Variants in RANBP3 observed in about 807,000 individuals in gnomAD.
The protein encoded by RANBP3 is RAN binding protein 3.
In RANBP3, 14 loss-of-function variants were observed where a neutral mutation model predicts 77.3. The ratio of observed to expected loss-of-function variants is 0.18; its 90% CI spans 0.12 to 0.28. The LOEUF (loss-of-function observed/expected upper bound fraction) is 0.28, where lower values mean the gene tolerates loss of function less well. Among genes scored for constraint, RANBP3 ranks in the 10% least tolerant of loss-of-function variants. RANBP3 has a pLI of 1.00. For synonymous variants in RANBP3, 315 were observed against 312.4 expected (o/e 1.01, Z -0.09); for missense variants, 586 against 752.3 (o/e 0.78, Z 2.59).
chr19:5,924,771 G>A lies in RANBP3; in HGVS notation c.996+56C>T. 1 of 1,535,698 alleles carries A rather than the reference G, an allele frequency of 6.5e-7. No individual in the cohort carries two copies. Among genetic ancestry groups the A allele is most frequent in the South Asian group, 1.1e-5 (1 of 89,380 alleles). On this transcript the variant is annotated intron_variant, in intron 11 of 16. Coordinates refer to ENST00000340578, the MANE Select transcript of RANBP3 (RefSeq NM_007322.3). The surrounding 1 kb of genome is among the most constrained non-coding windows in gnomAD (Gnocchi z 4.7). ...CCTGCTCTCCATGTCCCCTTGACCT[G>A]TGGCTGGCGCCGAGAGCCTCTGGTC...
chr19:5,969,112 G>T (rs529265873), intron 1 of RANBP3, among the ~76,000 whole-genome samples: 1 of 152,298 alleles, frequency 6.6e-6, no homozygotes, highest in East Asian at 1.9e-4. Flanking sequence ...TGTTTGGAGG[G>T]GAGGAGAACG....
rs1314268452 is a variant in RANBP3 at position 5,935,226 on chromosome 19, G to GC, written c.407-1748dup. On this transcript the variant is annotated intron_variant, in intron 5 of 16. Transcript: ENST00000340578. ...CCGGAGGCGCCGCTGTGCCTGGGCA[G>GC]CAAGAGGATTGCAGCAACCCTTCTT... is the stretch of plus-strand genomic sequence containing the variant. 7.2e-5 allele frequency among the ~76,000 whole-genome samples: 11 copies of GC among 152,240 alleles called. 1 individual carries two copies. Among genetic ancestry groups the GC allele is most frequent in the Admixed American group, 2.6e-4 (4 of 15,294 alleles).
intron 2 of RANBP3, among the ~76,000 whole-genome samples, chr19:5,955,007 C>T (rs893707642): frequency 1.3e-5 from 2 of 152,204 alleles, no homozygotes; most frequent in Non-Finnish European, 2.9e-5. Flanking sequence ...CACAGAAGTG[C>T]GAGTGACAGA....
chr19:5,971,884 A>G (rs2058534528), intron 1 of RANBP3, among the ~76,000 whole-genome samples: 1 of 152,258 alleles, frequency 6.6e-6, no homozygotes, highest in Admixed American at 6.5e-5. Flanking sequence ...CCCAAGTAAC[A>G]TGGCGGAGAC....
chr19:5,960,806 C>T (rs1400616157), intron 1 of RANBP3, among the ~76,000 whole-genome samples: 1 of 152,206 alleles, frequency 6.6e-6, no homozygotes, highest in Non-Finnish European at 1.5e-5. Context: ...TGCCAAGGTG[C>T]TGCCCGGAGC....
chr19:5,970,317 C>T (rs2058515575), intron 1 of RANBP3, among the ~76,000 whole-genome samples: 1 of 152,068 alleles, frequency 6.6e-6, no homozygotes, highest in Non-Finnish European at 1.5e-5. Flanking sequence ...GACCCCCCAC[C>T]CTGGCTTCTG....
chr19:5,941,918 C>A, intron 3 of RANBP3, 83 bp from the exon 4 acceptor site: 2 of 1,479,674 alleles, frequency 1.4e-6, no homozygotes, highest in East Asian at 2.3e-5. Context: ...AACAAATATC[C>A]CAACATGCAC....
rs1308182401 is a variant in RANBP3 at position 5,916,841 on chromosome 19, A to G, written c.*769T>C. ...CAGGCCTAGGACAGACAGGGCCCCA[A>G]CTCCTCATCACCCCATGACTTGGCC... On this transcript the variant is annotated 3_prime_UTR_variant, in exon 17 of 17. Coordinates refer to ENST00000340578, the MANE Select transcript of RANBP3 (RefSeq NM_007322.3). The G allele has an allele frequency of 6.6e-6, 1 of 151,840 alleles. No homozygotes were observed. The highest frequency in any genetic ancestry group is 1.5e-5 in the Non-Finnish European group (1 of 68,012). 9.4% of individuals were successfully genotyped at this position (151,840 alleles called of 1,614,324 possible).
In RANBP3 at chr19:5,928,059, C is replaced by A; in HGVS notation, c.722G>T (p.Ser241Ile). The A allele has an allele frequency of 1.2e-6, 2 of 1,613,012 alleles. No homozygotes were observed. Among genetic ancestry groups the A allele is most frequent in the Non-Finnish European group, 1.7e-6 (2 of 1,179,698 alleles). The change falls in exon 9 of 17, where the codon AGC (serine) becomes ATC (isoleucine). Residue 241 changes from serine (S) to isoleucine (I), a missense_variant. This residue lies in a region of RANBP3 where 232 missense variants were observed against 271.7 expected (regional missense o/e 0.85). Transcript: ENST00000340578. ...EEKEPQKNES[S>I]NASEEEACEK... ...ACAGGCTTCCTCTTCAGAGGCATTG[C>A]TGGACTCATTTTTCTGGGGCTCTTT...
intron 1 of RANBP3, among the ~76,000 whole-genome samples, chr19:5,964,915 A>G (rs557509265): frequency 1.1e-3 from 163 of 149,422 alleles, no homozygotes; most frequent in African/African-American, 3.9e-3. Context: ...AGGTCTGCAC[A>G]TTTATACCTG....
intron 9 of RANBP3, among the ~76,000 whole-genome samples, chr19:5,926,224 C>G (rs1003469553): frequency 7.2e-5 from 11 of 152,104 alleles, no homozygotes; most frequent in African/African-American, 2.7e-4. Context: ...GTTTGACCAA[C>G]AAGGAAGCAG....
At chr19:5,938,274 T>G (rs1220616884) in intron 5 of RANBP3, among the ~76,000 whole-genome samples, 1 of 152,196 alleles carries the variant, frequency 6.6e-6, no homozygotes, top group Non-Finnish European at 1.5e-5. Flanking sequence ...GTTAAATCTT[T>G]TATGAGGAAT....
chr19:5,930,819 G>T (rs552544560), intron 8 of RANBP3, among the ~76,000 whole-genome samples: 2 of 152,128 alleles, frequency 1.3e-5, no homozygotes, highest in African/African-American at 4.8e-5. Flanking sequence ...TCCACCTGCC[G>T]CGGCCTCCCA....
In RANBP3 at chr19:5,958,306, G is replaced by C. The variant is rs1283483866; in HGVS notation, c.23-333C>G. Among the ~76,000 whole-genome samples, 1 of 152,230 alleles carries C rather than the reference G, an allele frequency of 6.6e-6. No homozygotes were observed. The highest frequency in any genetic ancestry group is 1.9e-4 in the East Asian group (1 of 5,204). On this transcript the variant is annotated intron_variant, in intron 1 of 16. Transcript: ENST00000340578. This position sits in a 1 kb window ranked among gnomAD's most constrained non-coding sequence, Gnocchi z 4.4. Reference sequence around the variant, plus strand: ...AGCGCTATTTGGCGCCATGAACTGTGACCTTGCAGGAATGTGGCACCTCCT... The same window carrying C: ...AGCGCTATTTGGCGCCATGAACTGTCACCTTGCAGGAATGTGGCACCTCCT...
At chr19:5,971,777 T>C (rs1599805041) in intron 1 of RANBP3, among the ~76,000 whole-genome samples, 1 of 152,140 alleles carries the variant, frequency 6.6e-6, no homozygotes, top group Non-Finnish European at 1.5e-5. Context: ...GCACTCTAAG[T>C]GTAGAGAATG....
chr19:5,923,364 C>T, intron 12 of RANBP3, 61 bp from the exon 13 acceptor site: 2 of 1,516,640 alleles, frequency 1.3e-6, no homozygotes. Flanking sequence ...GCCATCTCCC[C>T]TCATCCGACA....
chr19:5,922,458 G>A (rs571982999), intron 13 of RANBP3, among the ~76,000 whole-genome samples: 1 of 152,348 alleles, frequency 6.6e-6, no homozygotes, highest in Admixed American at 6.5e-5. Flanking sequence ...CCCAAGCCGG[G>A]TGGTGCGGCC....
At chr19:5,971,225 A>C (rs1242057272) in intron 1 of RANBP3, among the ~76,000 whole-genome samples, 4 of 152,226 alleles carry the variant, frequency 2.6e-5, no homozygotes, top group African/African-American at 7.2e-5. Context: ...GTTAAATAAC[A>C]TATTTTTATG....
Sources: gnomAD v4.1 joint callset for allele counts (sites outside exome capture counted in the v4.1 genomes callset) on GRCh38, gnomAD v4.1.1 for gene constraint, gnomAD v4.1.1 regional missense constraint, Gnocchi (gnomAD v3.1) non-coding constraint, MANE v1.5 for transcripts, NCBI Gene and HGNC (gene_info 2026-07-23, HGNC 2026-07-21) for gene names.